EEIG2: variants seen among roughly 807,000 people sequenced by gnomAD.
EEIG2 encodes family with sequence similarity 102 member B.
chr1:108,610,580 T>G, the EEIG2 span, among the ~76,000 whole-genome samples: 1 of 152,200 alleles, frequency 6.6e-6, no homozygotes, highest in Admixed American at 6.5e-5. Flanking sequence ...CAGTTGGATA[T>G]GGCTTTGTCC....
the EEIG2 span, among the ~76,000 whole-genome samples, chr1:108,610,285 A>G: frequency 7.2e-5 from 11 of 152,180 alleles, no homozygotes; most frequent in African/African-American, 2.7e-4. Flanking sequence ...GATTAACTTG[A>G]GTGGGTGAGA....
the EEIG2 span, among the ~76,000 whole-genome samples, chr1:108,589,900 C>T: frequency 6.6e-6 from 1 of 150,398 alleles, no homozygotes; most frequent in Non-Finnish European, 1.5e-5. Context: ...AAGCAGTCCT[C>T]CCACCTCAGC....
chr1:108,626,960 T>C, the EEIG2 span: 1 of 152,244 alleles, frequency 6.6e-6, no homozygotes, highest in Non-Finnish European at 1.5e-5. Context: ...TTTTTTGTGC[T>C]TGTATTTTTG....
At chr1:108,625,772 C>CTGTGTGTG in the EEIG2 span, 3 of 109,352 alleles carry the variant, frequency 2.7e-5, no homozygotes, top group African/African-American at 1.1e-4. Flanking sequence ...CTCTCTCTCT[C>CTGTGTGTG]TCTGTGTGTG....
chr1:108,620,282 ATAT>A, the EEIG2 span, among the ~76,000 whole-genome samples: 1 of 152,224 alleles, frequency 6.6e-6, no homozygotes, highest in Non-Finnish European at 1.5e-5. Context: ...CCTAGTTTTA[ATAT>A]TTTCTGAGCA....
At chr1:108,588,976 T>A in the EEIG2 span, among the ~76,000 whole-genome samples, 23,167 of 152,112 alleles carry the variant, frequency 0.15, 2,820 homozygotes, top group African/African-American at 0.34. Flanking sequence ...TCATTTGAGG[T>A]CCTACTGTGT....
chr1:108,579,663 C>G, the EEIG2 span, among the ~76,000 whole-genome samples: 1 of 151,356 alleles, frequency 6.6e-6, no homozygotes, highest in South Asian at 2.1e-4. Flanking sequence ...CACCACACTG[C>G]ATTTTTTTTA....
chr1:108,613,592 C>T, the EEIG2 span, among the ~76,000 whole-genome samples: 2 of 152,132 alleles, frequency 1.3e-5, no homozygotes, highest in African/African-American at 4.8e-5. Flanking sequence ...ACCGTCTCTC[C>T]CACTTTGTCC....
the EEIG2 span, chr1:108,624,537 T>C: frequency 1.4e-6 from 1 of 733,402 alleles, no homozygotes; most frequent in African/African-American, 1.8e-5. Flanking sequence ...CTCAAAGGGG[T>C]AACATTACCA....
chr1:108,569,526 A>G, the EEIG2 span, among the ~76,000 whole-genome samples: 2 of 152,056 alleles, frequency 1.3e-5, no homozygotes, highest in Admixed American at 6.6e-5. Flanking sequence ...TGGTCTTGCT[A>G]TGTTGCCCAG....
the EEIG2 span, among the ~76,000 whole-genome samples, chr1:108,593,122 C>T: frequency 6.6e-6 from 1 of 152,150 alleles, no homozygotes; most frequent in Admixed American, 6.5e-5. Context: ...CACACCACTG[C>T]ACTCAGCCTG....
chr1:108,590,213 G>A, the EEIG2 span, among the ~76,000 whole-genome samples: 14 of 152,154 alleles, frequency 9.2e-5, no homozygotes, highest in Admixed American at 9.2e-4. Flanking sequence ...TATCTCTGAT[G>A]TATGAGATGT....
the EEIG2 span, among the ~76,000 whole-genome samples, chr1:108,624,065 A>G: frequency 1.3e-5 from 2 of 152,232 alleles, no homozygotes; most frequent in Admixed American, 6.5e-5. Flanking sequence ...GAATTAACCA[A>G]TGAAAATAGA....
chr1:108,628,786 C>T, the EEIG2 span: 11 of 1,612,094 alleles, frequency 6.8e-6, no homozygotes, highest in Admixed American at 1.8e-4. Flanking sequence ...AGACTTCAGC[C>T]TAGATTCCAG....
the EEIG2 span, among the ~76,000 whole-genome samples, chr1:108,618,562 A>G: frequency 1.3e-5 from 2 of 152,276 alleles, no homozygotes; most frequent in South Asian, 4.1e-4. Context: ...TTACCTCCCT[A>G]TGTATCAACT....
At chr1:108,623,702 C>T in the EEIG2 span, among the ~76,000 whole-genome samples, 910 of 152,030 alleles carry the variant, frequency 6.0e-3, 12 homozygotes, top group African/African-American at 0.02. Context: ...GACGGAGTCT[C>T]GCTCTGTCGC....
chr1:108,573,641 G>A, the EEIG2 span, among the ~76,000 whole-genome samples: 3,689 of 152,218 alleles, frequency 0.024, 147 homozygotes, highest in African/African-American at 0.084. Flanking sequence ...ATAAGAGATT[G>A]ATATCAAGAA....
At chr1:108,611,369 T>A in the EEIG2 span, among the ~76,000 whole-genome samples, 1 of 152,176 alleles carries the variant, frequency 6.6e-6, no homozygotes, top group Non-Finnish European at 1.5e-5. Flanking sequence ...TTGTACCACA[T>A]GGAAATGAGA....
chr1:108,563,771 A>G, the EEIG2 span, among the ~76,000 whole-genome samples: 1 of 152,238 alleles, frequency 6.6e-6, no homozygotes, highest in Non-Finnish European at 1.5e-5. Context: ...CAAGGGAATT[A>G]CTTCTAATGA....
Sources: gnomAD v4.1 joint callset for allele counts (sites outside exome capture counted in the v4.1 genomes callset) on GRCh38, gnomAD v4.1.1 for gene constraint, MANE v1.5 for transcripts, NCBI Gene and HGNC (gene_info 2026-07-23, HGNC 2026-07-21) for gene names.